Variants in NCKAP5 observed in about 807,000 individuals in gnomAD.
NCKAP5 encodes the protein nck-associated protein 5.
A neutral mutation model predicts 167.0 loss-of-function variants in NCKAP5; 92 were observed. The ratio of observed to expected loss-of-function variants is 0.55; its 90% CI spans 0.47 to 0.66. The LOEUF is 0.66. Among genes scored for constraint, NCKAP5 ranks in the 30% least tolerant of loss-of-function variants. The pLI is 0.00. For synonymous variants in NCKAP5, 891 were observed against 877.4 expected (o/e 1.02, Z -0.27); for missense variants, 2,378 against 2,315.0 (o/e 1.03, Z -0.56).
rs539176374 is a variant in NCKAP5 at position 133,340,645 on chromosome 2, A to T, written c.70-37535T>A. The stretch of plus-strand genomic sequence containing the variant: ...TAAACAAGTTGACAAGCCAAGAATG[A>T]GGTAATGAATGCCCTATAACAATAA... On this transcript the variant is annotated intron_variant, in intron 3 of 19. Coordinates refer to ENST00000409261, the MANE Select transcript of NCKAP5 (RefSeq NM_207363.3). 2.6e-5 allele frequency among the ~76,000 whole-genome samples: 4 copies of T among 152,328 alleles called. No individual in the cohort carries two copies. In the South Asian group the frequency reaches 8.3e-4, roughly 32 times the overall value.
chr2:133,380,761 C>T (rs1686464142), intron 3 of NCKAP5, among the ~76,000 whole-genome samples: 1 of 152,184 alleles, frequency 6.6e-6, no homozygotes, highest in Non-Finnish European at 1.5e-5. Context: ...GTCCAGGAAC[C>T]TGGGTTTTAA....
intron 8 of NCKAP5, among the ~76,000 whole-genome samples, chr2:132,961,418 G>A (rs1296910131): frequency 6.6e-6 from 1 of 151,772 alleles, no homozygotes; most frequent in Non-Finnish European, 1.5e-5. Flanking sequence ...ACCTGTTCAA[G>A]TAGAAGATAG....
the NCKAP5 span, among the ~76,000 whole-genome samples, chr2:133,622,350 T>C: frequency 6.6e-6 from 1 of 152,168 alleles, no homozygotes; most frequent in East Asian, 1.9e-4. Context: ...AAACTGTCTC[T>C]GTTTGCTGAT....
intron 6 of NCKAP5, among the ~76,000 whole-genome samples, chr2:133,010,219 G>A (rs957557179): frequency 6.6e-6 from 1 of 152,124 alleles, no homozygotes; most frequent in African/African-American, 2.4e-5. Flanking sequence ...ATTTTAAATT[G>A]CTTATTATGA....
chr2:132,863,871 C>T (rs1690132929), intron 10 of NCKAP5, among the ~76,000 whole-genome samples: 4 of 152,208 alleles, frequency 2.6e-5, no homozygotes, highest in Admixed American at 2.6e-4. Flanking sequence ...TGTACACACT[C>T]ATAAACACAA....
At position 133,517,333 on chromosome 2, in the gene NCKAP5, G is replaced by T. The variant is rs572650205; in HGVS notation, c.69+125C>A. 4 of 450,124 alleles carry T rather than the reference G, an allele frequency of 8.9e-6. No individual in the cohort carries two copies. In the East Asian group the frequency reaches 1.0e-4, roughly 12 times the overall value. 27.9% of individuals were successfully genotyped at this position (450,124 alleles called of 1,614,324 possible). A position where few individuals can be genotyped will look rare whatever the true frequency, so the allele number is the denominator to read the frequency against. On this transcript the variant is annotated intron_variant, in intron 3 of 19. Coordinates refer to ENST00000409261, the MANE Select transcript of NCKAP5 (RefSeq NM_207363.3). ...AAAATAAATGAAACAAAATCTCAAG[G>T]GATGTTGCTAATGGTGTAACTGGAA...
intron 3 of NCKAP5, among the ~76,000 whole-genome samples, chr2:133,514,580 A>T (rs989095055): frequency 1.3e-5 from 2 of 152,252 alleles, no homozygotes; most frequent in East Asian, 1.9e-4. Flanking sequence ...ATAGCACCTT[A>T]TTCTTGCAAT....
chr2:132,880,008 C>A (rs1033225090), intron 8 of NCKAP5, among the ~76,000 whole-genome samples: 3 of 152,078 alleles, frequency 2.0e-5, no homozygotes, highest in African/African-American at 4.8e-5. Flanking sequence ...GCAACATGGA[C>A]AGAACTAGAA....
At position 132,677,645 on chromosome 2, in the gene NCKAP5, G is replaced by C. The variant is rs1684664472; in HGVS notation, c.5714-4340C>G. On this transcript the variant is annotated intron_variant, in intron 19 of 19. Transcript: ENST00000409261. The stretch of plus-strand genomic sequence containing the variant: ...GCCTCTATTGCAACTGTGCAACACT[G>C]TGTAGTCTACTTCAGGACCATGAGT... Among the ~76,000 whole-genome samples, 4 of 152,078 alleles carry C rather than the reference G, an allele frequency of 2.6e-5. No individual in the cohort carries two copies. The South Asian group carries it at 6.2e-4, about 24-fold the overall frequency.
At chr2:133,537,257 T>C (rs1006247018) in intron 2 of NCKAP5, among the ~76,000 whole-genome samples, 1 of 152,100 alleles carries the variant, frequency 6.6e-6, no homozygotes, top group Non-Finnish European at 1.5e-5. Flanking sequence ...TTCTTTATTT[T>C]CAAGATGATT....
chr2:133,375,354 G>C (rs781177911), intron 3 of NCKAP5, among the ~76,000 whole-genome samples: 1 of 152,160 alleles, frequency 6.6e-6, no homozygotes, highest in South Asian at 2.1e-4. Flanking sequence ...GACATGAGCC[G>C]TATGAAATAA....
At chr2:133,586,341 G>A in the NCKAP5 span, among the ~76,000 whole-genome samples, 2 of 151,938 alleles carry the variant, frequency 1.3e-5, no homozygotes, top group Non-Finnish European at 2.9e-5. Context: ...CCGATTCCTG[G>A]CCAGTTCCTG....
chr2:132,765,196 G>T (rs1036149388), intron 16 of NCKAP5, among the ~76,000 whole-genome samples: 1 of 151,928 alleles, frequency 6.6e-6, no homozygotes, highest in Admixed American at 6.6e-5. Flanking sequence ...ACTGCACATA[G>T]AGCAGTGATC....
At chr2:132,760,074 C>T (rs745334008) in intron 16 of NCKAP5, among the ~76,000 whole-genome samples, 1 of 152,086 alleles carries the variant, frequency 6.6e-6, no homozygotes, top group Non-Finnish European at 1.5e-5. Flanking sequence ...AAGGACATTA[C>T]TTGCTTAATG....
At chr2:133,482,106 C>G (rs751780752) in intron 3 of NCKAP5, among the ~76,000 whole-genome samples, 1 of 152,086 alleles carries the variant, frequency 6.6e-6, no homozygotes, top group Non-Finnish European at 1.5e-5. Context: ...TTATTTCACT[C>G]AAGATAATAA....
Position 132,784,462 on chromosome 2 carries a change from C to T in NCKAP5, c.2349G>A (p.Gln783=), listed in dbSNP as rs1299257125. 6 of 1,601,406 alleles carry T rather than the reference C, an allele frequency of 3.7e-6. No individual in the cohort carries two copies. Among genetic ancestry groups the T allele is most frequent in the Admixed American group, 3.4e-5 (2 of 58,396 alleles). ...TGGGTGCCGAAGACCTGGAATTACT[C>T]TGGCATGATATATTGTGTGTTGGTT... ...LVKPTHNISC[Q]SNSRSSAPMG... is the part of the protein sequence containing the mutation. The change falls in exon 14 of 20, where the codon CAG becomes CAA. Residue 783 remains glutamine, a synonymous_variant. Transcript: ENST00000409261.
intron 8 of NCKAP5, among the ~76,000 whole-genome samples, chr2:132,913,379 G>C (rs1004596238): frequency 2.0e-5 from 3 of 152,038 alleles, no homozygotes; most frequent in Non-Finnish European, 4.4e-5. Context: ...CTATTTATTA[G>C]CTGTGTGATC....
intron 3 of NCKAP5, among the ~76,000 whole-genome samples, chr2:133,480,803 G>T (rs1323448412): frequency 2.0e-5 from 3 of 152,046 alleles, no homozygotes; most frequent in African/African-American, 7.2e-5. Context: ...TTTGAATTAT[G>T]CCCTGCCTGG....
chr2:133,515,520 A>G (rs1157974451), intron 3 of NCKAP5, among the ~76,000 whole-genome samples: 1 of 152,172 alleles, frequency 6.6e-6, no homozygotes, highest in Non-Finnish European at 1.5e-5. Flanking sequence ...TAAGTCTCTC[A>G]GGTGGTGCCA....
Sources: allele counts gnomAD v4.1 joint callset (sites outside exome capture counted in the v4.1 genomes callset), GRCh38; gene constraint gnomAD v4.1.1; transcripts MANE v1.5; gene names NCBI Gene and HGNC (gene_info 2026-07-23, HGNC 2026-07-21).